ATP12A: variants seen among roughly 807,000 people sequenced by gnomAD.
ATP12A encodes ATPase H+/K+ transporting non-gastric alpha2 subunit.
ATP12A carries 81 observed loss-of-function variants against 111.2 expected under a neutral mutation model. The observed-to-expected ratio is 0.73, with a 90% confidence interval of 0.61 to 0.88. The LOEUF (loss-of-function observed/expected upper bound fraction) is 0.88. Among genes scored for constraint, ATP12A ranks in the 40% least tolerant of loss-of-function variants. The pLI is 0.00. For missense variants in ATP12A, 1,196 were observed against 1,313.1 expected (o/e 0.91, Z 1.38); for synonymous variants, 498 against 499.8 (o/e 1.00, Z 0.05).
rs754753383 is a variant in ATP12A at position 24,709,768 on chromosome 13, G to A, written c.2703G>A (p.Leu901=). The A allele has an allele frequency of 5.8e-5, 93 of 1,614,106 alleles. No homozygotes were observed. In the South Asian group the frequency reaches 9.9e-4, roughly 17 times the overall value. ...EGFLPRTLIN[L]RVEWEKDYVN... ...TTCTGCCCCGCACTCTCATTAACCT[G>A]CGGGTAGAATGGGAGAAGGACTACG... Residue 901 remains leucine, a synonymous_variant, in exon 19 of 23, where the codon CTG becomes CTA. Coordinates refer to ENST00000381946, the MANE Select transcript of ATP12A (RefSeq NM_001676.7).
chr13:24,697,856 C>T (rs1875232422), intron 11 of ATP12A, among the ~76,000 whole-genome samples: 1 of 151,278 alleles, frequency 6.6e-6, no homozygotes, highest in Non-Finnish European at 1.5e-5. Flanking sequence ...TCTTTGATAC[C>T]CAGAAGTCTA....
intron 2 of ATP12A, among the ~76,000 whole-genome samples, chr13:24,684,516 C>T (rs1282846603): frequency 6.6e-6 from 1 of 152,120 alleles, no homozygotes; most frequent in Non-Finnish European, 1.5e-5. Context: ...TTTTCTGCTA[C>T]AGGAAGAGAC....
At chr13:24,701,827 C>G in intron 13 of ATP12A, 108 bp from the exon 14 acceptor site, 1 of 1,439,788 alleles carries the variant, frequency 6.9e-7, no homozygotes, top group Middle Eastern at 2.2e-4. Flanking sequence ...CTGTAATCAC[C>G]AACCACGTTC....
At chr13:24,709,877 T>C in intron 19 of ATP12A, 49 bp downstream of exon 19, 2 of 1,606,128 alleles carry the variant, frequency 1.2e-6, no homozygotes, top group African/African-American at 2.7e-5. Context: ...CTCTCCATGC[T>C]CATTGCCCTG....
chr13:24,692,758 G>A, intron 9 of ATP12A, 29 bp from the exon 10 acceptor site: 1 of 1,610,066 alleles, frequency 6.2e-7, no homozygotes, highest in South Asian at 1.1e-5. Context: ...CCAACCCACA[G>A]CAGCCACTGT....
chr13:24,687,277 G>A lies in ATP12A; in HGVS notation c.229-1042G>A, dbSNP rs551715728. 6.2e-4 allele frequency among the ~76,000 whole-genome samples: 94 copies of A among 152,186 alleles called. 2 individuals carry two copies. In the South Asian group the frequency reaches 0.019, roughly 30 times the overall value. Reference sequence around the variant, plus strand: ...GGAGTTCGAAACCAGCCTGGCCAACGTGGTGAAACCCTGTCTCTACTAAAA... The same window carrying A: ...GGAGTTCGAAACCAGCCTGGCCAACATGGTGAAACCCTGTCTCTACTAAAA... On this transcript the variant is annotated intron_variant, in intron 3 of 22. Coordinates refer to ENST00000381946, the MANE Select transcript of ATP12A (RefSeq NM_001676.7).
chr13:24,704,776 AG>A (rs1875549653), intron 14 of ATP12A: 1 of 194,100 alleles, frequency 5.2e-6, no homozygotes, highest in Non-Finnish European at 1.1e-5. Flanking sequence ...AAAGTCACAA[AG>A]GGACTGCACT....
rs542408924 is a variant in ATP12A at position 24,690,271 on chromosome 13, C to T, written c.547-67C>T. The T allele has an allele frequency of 7.5e-5, 120 of 1,589,844 alleles. 1 individual carries two copies. In the South Asian group the frequency reaches 1.3e-3, roughly 18 times the overall value. On this transcript the variant is annotated intron_variant, in intron 5 of 22. Coordinates refer to ENST00000381946, the MANE Select transcript of ATP12A (RefSeq NM_001676.7). The stretch of plus-strand genomic sequence containing the variant: ...GCCTCTGTCCTGGGGTTCGGTGCGG[C>T]ACAGACTTGGGGGAGGGCCGGTGTC...
At position 24,690,428 on chromosome 13, in the gene ATP12A, CA is replaced by C; in HGVS notation, c.638del (p.Gln213ArgfsTer116). The C allele has an allele frequency of 6.2e-7, 1 of 1,613,572 alleles. No individual in the cohort carries two copies. On this transcript the variant is annotated frameshift_variant, in exon 6 of 23. Coordinates refer to ENST00000381946, the MANE Select transcript of ATP12A (RefSeq NM_001676.7). LOFTEE classifies it high-confidence loss of function. ...CATTGTGGAGGTCAAAGGAGGAGACCAGATCCCTGCAGACATCAGGGTGCTG... is the reference window on the plus strand; with the variant it reads ...CATTGTGGAGGTCAAAGGAGGAGACCGATCCCTGCAGACATCAGGGTGCTG... ...GDIVEVKGGDQIPADIRVLSS... is the reference protein window; with the variant it reads ...GDIVEVKGGDXIPADIRVLSS...
chr13:24,695,182 G>C (rs1023093600), intron 11 of ATP12A, among the ~76,000 whole-genome samples: 33 of 152,264 alleles, frequency 2.2e-4, no homozygotes, highest in African/African-American at 7.0e-4. Flanking sequence ...CCATCACACA[G>C]AGGGAGTGCG....
At position 24,688,329 on chromosome 13, in the gene ATP12A, G is replaced by T. The variant is rs181476360; in HGVS notation, c.239G>T (p.Ser80Ile). The T allele has an allele frequency of 1.2e-6, 2 of 1,613,284 alleles. No homozygotes were observed. The highest frequency in any genetic ancestry group is 1.7e-4 in the Middle Eastern group (1 of 5,976). Reference sequence around the variant, plus strand: ...GTTTGGCTTTCCCAGGGTCTCTCCAGCACCAGAGCTGCCGAGCTCCTGGCC... The same window carrying T: ...GTTTGGCTTTCCCAGGGTCTCTCCATCACCAGAGCTGCCGAGCTCCTGGCC... ...YGTDIIMGLS[S>I]TRAAELLARD... Residue 80 changes from serine to isoleucine, a missense_variant, in exon 4 of 23, where the codon AGC becomes ATC. By Grantham distance (142) the Ser-to-Ile change is moderately radical. This residue lies in a region of ATP12A where 1,126 missense variants were observed against 1,228.5 expected (regional missense o/e 0.92). Coordinates refer to ENST00000381946, the MANE Select transcript of ATP12A (RefSeq NM_001676.7).
chr13:24,692,320 T>C (rs961768913), intron 8 of ATP12A, 109 bp from the exon 9 acceptor site: 4 of 1,220,182 alleles, frequency 3.3e-6, no homozygotes, highest in Non-Finnish European at 4.6e-6. Context: ...CTAAAACTAG[T>C]CCAGCTCTCT....
rs779333875 is a variant in ATP12A, at chr13:24,681,637, G to A, written c.85G>A (p.Glu29Lys). The A allele has an allele frequency of 1.2e-6, 2 of 1,614,232 alleles. No homozygotes were observed. Among genetic ancestry groups the A allele is most frequent in the Non-Finnish European group, 1.7e-6 (2 of 1,180,044 alleles). Reference sequence around the variant, plus strand: ...GAAAACAGACAAGGGGGATGGCAAGGAGAAGTATAGGGGTCTGAAGAACAA... The same window carrying A: ...GAAAACAGACAAGGGGGATGGCAAGAAGAAGTATAGGGGTCTGAAGAACAA... ...IVKTDKGDGK[E>K]KYRGLKNNCL... The change falls in exon 2 of 23, where the codon GAG becomes AAG. Residue 29 changes from glutamate (E) to lysine (K), a missense_variant. Around this residue, in one of 3 missense-constraint regions of ATP12A, gnomAD observed 67 missense variants for 64.0 expected, o/e 1.05. Coordinates refer to ENST00000381946, the MANE Select transcript of ATP12A (RefSeq NM_001676.7).
chr13:24,686,855 G>T (rs1332012415), intron 3 of ATP12A, among the ~76,000 whole-genome samples: 5 of 152,154 alleles, frequency 3.3e-5, no homozygotes, highest in African/African-American at 9.7e-5. Flanking sequence ...CATCTCGCTA[G>T]TCATGTCACA....
At chr13:24,702,464 G>A (rs1875435779) in intron 14 of ATP12A, among the ~76,000 whole-genome samples, 1 of 152,168 alleles carries the variant, frequency 6.6e-6, no homozygotes, top group Non-Finnish European at 1.5e-5. Flanking sequence ...ACCCTCCTTG[G>A]TAAGCATCTT....
At chr13:24,692,998 T>G in intron 10 of ATP12A, 102 bp downstream of exon 10, 1 of 1,133,676 alleles carries the variant, frequency 8.8e-7, no homozygotes, top group Non-Finnish European at 1.3e-6. Flanking sequence ...TGCTTAAAGT[T>G]TGTTCAGTGC....
rs756757409 is a variant in ATP12A at position 24,710,497 on chromosome 13, A to G, written c.2801A>G (p.Tyr934Cys). The change falls in exon 20 of 23, where the codon TAC becomes TGC. Residue 934 changes from tyrosine (Y) to cysteine (C), a missense_variant. By Grantham distance (194) the Tyr-to-Cys change is radical (BLOSUM62 -2). This residue lies in a region of ATP12A where 1,126 missense variants were observed against 1,228.5 expected (regional missense o/e 0.92). Transcript: ENST00000381946. Reference sequence around the variant, plus strand: ...AGGGAATACCTAGAATGGACGGGCTACACGGCTTTCTTTGTTGGCATCCTA... The same window carrying G: ...AGGGAATACCTAGAATGGACGGGCTGCACGGCTTTCTTTGTTGGCATCCTA... ...YQREYLEWTGYTAFFVGILVQ... is the reference protein window; with the variant it reads ...YQREYLEWTGCTAFFVGILVQ... 6.2e-7 allele frequency: 1 copy of G among 1,614,236 alleles called. No individual in the cohort carries two copies. Among genetic ancestry groups the G allele is most frequent in the Non-Finnish European group, 8.5e-7 (1 of 1,180,038 alleles).
At chr13:24,697,692 G>A (rs933384261) in intron 11 of ATP12A, among the ~76,000 whole-genome samples, 2 of 132,388 alleles carry the variant, frequency 1.5e-5, no homozygotes, top group Admixed American at 1.7e-4. Flanking sequence ...AAAAGAAAAG[G>A]CCTATATTTT....
chr13:24,708,930 AAAGAAAGAAAG>A (rs1177029254), intron 17 of ATP12A, among the ~76,000 whole-genome samples: 4 of 140,458 alleles, frequency 2.8e-5, no homozygotes, highest in Admixed American at 2.8e-4. Context: ...AGAAAGAAAG[AAAGAAAGAAAG>A]AAAGAAAGAA....
Sources: allele counts gnomAD v4.1 joint callset (sites outside exome capture counted in the v4.1 genomes callset), GRCh38; gene constraint gnomAD v4.1.1; regional missense constraint gnomAD v4.1.1; transcripts MANE v1.5; gene names NCBI Gene and HGNC (gene_info 2026-07-23, HGNC 2026-07-21).